Variants in IPPK observed in about 807,000 individuals in gnomAD.
IPPK encodes IPK1 homolog.
A neutral mutation model predicts 64.6 loss-of-function variants in IPPK; 22 were observed. The ratio of observed to expected loss-of-function variants is 0.34; its 90% CI spans 0.24 to 0.49. The LOEUF (loss-of-function observed/expected upper bound fraction) is 0.49, where lower values mean the gene tolerates loss of function less well. Ranked by LOEUF, IPPK falls within the 20% of genes least tolerant of loss-of-function variation. The probability of loss-of-function intolerance (pLI) is 0.99; values close to 1 mark genes in which losing one functional copy is unlikely to be tolerated. For missense variants in IPPK, 532 were observed against 630.7 expected, an observed-to-expected ratio of 0.84 and a Z score of 1.68; for synonymous variants, 262 against 247.2, an observed-to-expected ratio of 1.06 and a Z score of -0.56.
intron 1 of IPPK, among the ~76,000 whole-genome samples, chr9:92,658,913 C>CT (rs773499240): frequency 1.6e-4 from 24 of 152,294 alleles, no homozygotes; most frequent in South Asian, 6.2e-4. Flanking sequence ...CCTCCCAGGA[C>CT]TTTATCTTAA....
chr9:92,624,554 A>AG (rs1362285707), intron 11 of IPPK, among the ~76,000 whole-genome samples: 2 of 152,016 alleles, frequency 1.3e-5, no homozygotes, highest in Non-Finnish European at 2.9e-5. Context: ...CACCTACCTG[A>AG]GCTCAGGAGG....
chr9:92,658,370 G>A (rs567990278), intron 2 of IPPK, among the ~76,000 whole-genome samples: 1 of 152,340 alleles, frequency 6.6e-6, no homozygotes, highest in African/African-American at 2.4e-5. Context: ...CTCGCCACAA[G>A]CAGGGCCCTC....
intron 7 of IPPK, 75 bp from the exon 8 acceptor site, chr9:92,640,857 G>T: frequency 9.6e-7 from 1 of 1,041,088 alleles, no homozygotes; most frequent in Non-Finnish European, 1.5e-6. Context: ...CCTGCTCGTG[G>T]CTCAGAGGAC....
intron 11 of IPPK, among the ~76,000 whole-genome samples, chr9:92,624,459 C>CAA (rs113513833): frequency 4.0e-4 from 56 of 139,084 alleles, no homozygotes; most frequent in African/African-American, 1.2e-3. Context: ...ACTCCATCTC[C>CAA]AAAAAAAAAA....
intron 11 of IPPK, among the ~76,000 whole-genome samples, chr9:92,625,701 C>T (rs7043114): frequency 0.68 from 103,282 of 152,100 alleles, 37,031 homozygotes; most frequent in African/African-American, 0.92. Context: ...AGCTGTCCTA[C>T]AGTCCAGTGC....
In IPPK at chr9:92,615,636, C is replaced by T; in HGVS notation, c.*196G>A. On this transcript the variant is annotated 3_prime_UTR_variant, in exon 13 of 13. Transcript: ENST00000287996. ...GTGAGCAGCTTCCTGGGACACAGCA[C>T]TCACTTCCTACATTCCTTGTCCAGG... 1 of 565,798 alleles carries T rather than the reference C, an allele frequency of 1.8e-6. No individual in the cohort carries two copies. The highest frequency in any genetic ancestry group is 3.2e-6 in the Non-Finnish European group (1 of 316,112). 35.0% of individuals were successfully genotyped at this position (565,798 alleles called of 1,614,324 possible). A position where few individuals can be genotyped will look rare whatever the true frequency, so the allele number is the denominator to read the frequency against.
chr9:92,658,240 CAG>C (rs1392247492), intron 2 of IPPK, among the ~76,000 whole-genome samples: 2 of 152,348 alleles, frequency 1.3e-5, no homozygotes, highest in African/African-American at 4.8e-5. Flanking sequence ...ATGTTTAACA[CAG>C]ACTGTCTACC....
rs951550270 is a variant in IPPK, at chr9:92,635,399, C to G, written c.917-91G>C. ...GCCGGCGCAGACCGCAGGGCTCATC[C>G]TGGGCTCCGCCATACGGGCATCACC... On this transcript the variant is annotated intron_variant, in intron 9 of 12. Coordinates refer to ENST00000287996, the MANE Select transcript of IPPK (RefSeq NM_022755.6). The surrounding 1 kb of genome is among the most constrained non-coding windows in gnomAD (Gnocchi z 4.4). 2.9e-6 allele frequency: 4 copies of G among 1,380,514 alleles called. No individual in the cohort carries two copies. The highest frequency in any genetic ancestry group is 4.5e-5 in the Admixed American group (2 of 44,248). 85.5% of individuals were successfully genotyped at this position (1,380,514 alleles called of 1,614,324 possible).
At chr9:92,624,858 C>T (rs1350474284) in intron 11 of IPPK, among the ~76,000 whole-genome samples, 2 of 150,406 alleles carry the variant, frequency 1.3e-5, no homozygotes, top group African/African-American at 4.9e-5. Context: ...AGAAATGTGG[C>T]AATGGGTGCA....
chr9:92,619,687 T>A (rs1173334800), intron 11 of IPPK, 122 bp from the exon 12 acceptor site: 5 of 912,876 alleles, frequency 5.5e-6, no homozygotes, highest in Non-Finnish European at 8.6e-6. Context: ...AGGGTGGGAT[T>A]AGGAGCGAGG....
At chr9:92,645,406 G>C (rs1384600962) in intron 6 of IPPK, among the ~76,000 whole-genome samples, 1 of 150,834 alleles carries the variant, frequency 6.6e-6, no homozygotes, top group African/African-American at 2.4e-5. Flanking sequence ...GAAAAAAAAA[G>C]AAAGAAAGAA....
At chr9:92,649,347 C>T in intron 5 of IPPK, 106 bp downstream of exon 5, 1 of 1,330,654 alleles carries the variant, frequency 7.5e-7, no homozygotes, top group Non-Finnish European at 1.1e-6. Flanking sequence ...GGGTGCCTAC[C>T]ACTCACTTCA....
At chr9:92,668,361 AG>A (rs551784438) in intron 1 of IPPK, among the ~76,000 whole-genome samples, 2 of 152,300 alleles carry the variant, frequency 1.3e-5, no homozygotes, top group South Asian at 2.1e-4. Context: ...TACTCAGGGA[AG>A]GGGGTGGACA....
rs766371267 is a variant in IPPK, at chr9:92,615,890, A to G, written c.1418T>C (p.Val473Ala). ...SKTVRAKDNAVMSTRFKESED... is the reference protein window; with the variant it reads ...SKTVRAKDNAAMSTRFKESED... ...GCTTTCCTTGAACCGAGTCGACATC[A>G]CGGCGTTGTCTTTGGCACGTACAGT... is the stretch of plus-strand genomic sequence containing the variant. The change falls in exon 13 of 13, where the codon GTG (valine) becomes GCG (alanine). Residue 473 changes from valine to alanine, a missense_variant. Val to Ala is a moderately conservative substitution (Grantham distance 64, BLOSUM62 0). Transcript: ENST00000287996. 6.2e-7 allele frequency: 1 copy of G among 1,614,194 alleles called. No individual in the cohort carries two copies.
chr9:92,613,389 T>A lies in IPPK; in HGVS notation c.*2443A>T, dbSNP rs1588322380. 3.7e-5 allele frequency: 16 copies of A among 435,912 alleles called. No individual in the cohort carries two copies. The highest frequency in any genetic ancestry group is 3.2e-4 in the South Asian group (14 of 43,730). The allele number at this position is 435,912 out of a possible 1,614,324, so 27.0% of individuals were successfully genotyped here. ...GGTTTATAAAAATAAGCTTAACATCTGAGAAAATGTACCAAGTGGTTGTGT... is the reference window on the plus strand; with the variant it reads ...GGTTTATAAAAATAAGCTTAACATCAGAGAAAATGTACCAAGTGGTTGTGT... On this transcript the variant is annotated 3_prime_UTR_variant, in exon 13 of 13. Transcript: ENST00000287996.
At chr9:92,663,962 T>G (rs1852540784) in intron 1 of IPPK, among the ~76,000 whole-genome samples, 1 of 152,186 alleles carries the variant, frequency 6.6e-6, no homozygotes, top group Non-Finnish European at 1.5e-5. Flanking sequence ...AGCTCCAGCT[T>G]CTTCCGAATT....
intron 1 of IPPK, among the ~76,000 whole-genome samples, chr9:92,662,018 A>G (rs1017358333): frequency 2.6e-5 from 4 of 152,188 alleles, no homozygotes; most frequent in Non-Finnish European, 4.4e-5. Context: ...AGGGGCACCC[A>G]TGGCTGGGGA....
chr9:92,655,681 T>C (rs116985167), intron 3 of IPPK, among the ~76,000 whole-genome samples: 5,804 of 152,272 alleles, frequency 0.038, 153 homozygotes, highest in Middle Eastern at 0.075. Context: ...CCTCCAAGAA[T>C]GTTCCTTCCT....
chr9:92,657,445 A>T (rs1852396015), intron 2 of IPPK, among the ~76,000 whole-genome samples: 1 of 152,128 alleles, frequency 6.6e-6, no homozygotes, highest in South Asian at 2.1e-4. Flanking sequence ...TTTACAGAGG[A>T]AATGTAGCCA....
Sources: allele counts gnomAD v4.1 joint callset (sites outside exome capture counted in the v4.1 genomes callset), GRCh38; gene constraint gnomAD v4.1.1; non-coding constraint Gnocchi (gnomAD v3.1); transcripts MANE v1.5; gene names NCBI Gene and HGNC (gene_info 2026-07-23, HGNC 2026-07-21).